Variants in MPP7 observed in about 807,000 individuals in gnomAD.
MPP7 encodes the protein MAGUK p55 subfamily member 7.
In MPP7, 60 loss-of-function variants were observed where a neutral mutation model predicts 76.5. That is an observed-to-expected ratio of 0.78 (90% CI 0.64 to 0.97). The LOEUF is 0.97. MPP7 is among the 50% of genes least tolerant of loss of function. The pLI, the probability that MPP7 is intolerant of heterozygous loss-of-function variation, is 0.00. For synonymous variants in MPP7, 237 were observed against 244.5 expected (o/e 0.97, Z 0.29); for missense variants, 641 against 694.0 (o/e 0.92, Z 0.86).
At chr10:28,213,504 A>G (rs1191379779) in intron 2 of MPP7, among the ~76,000 whole-genome samples, 2 of 152,104 alleles carry the variant, frequency 1.3e-5, no homozygotes, top group Non-Finnish European at 2.9e-5. Flanking sequence ...CATTTAAAAG[A>G]GAAGGTTGGG....
chr10:28,194,135 T>A (rs1837502334), intron 3 of MPP7, among the ~76,000 whole-genome samples: 1 of 152,150 alleles, frequency 6.6e-6, no homozygotes, highest in African/African-American at 2.4e-5. Flanking sequence ...CTGCCTCAGC[T>A]TCTCAAGTAG....
chr10:28,236,668 A>G (rs1321859921), intron 2 of MPP7: 1 of 152,144 alleles, frequency 6.6e-6, no homozygotes, highest in African/African-American at 2.4e-5. Flanking sequence ...GGAAAGAAGA[A>G]GTGGTAAAAG....
At chr10:28,289,756 C>A (rs1377012973) in intron 1 of MPP7, among the ~76,000 whole-genome samples, 1 of 152,178 alleles carries the variant, frequency 6.6e-6, no homozygotes, top group African/African-American at 2.4e-5. Flanking sequence ...GCAGAGAAGT[C>A]ACTACAGTAA....
chr10:28,315,051 G>A (rs772367935), intron 2 of MPP7, among the ~76,000 whole-genome samples: 1 of 152,014 alleles, frequency 6.6e-6, no homozygotes, highest in African/African-American at 2.4e-5. Context: ...GGTAGGCTGG[G>A]ACAGAAAGAT....
At chr10:28,187,778 G>A (rs1837285332) in intron 3 of MPP7, among the ~76,000 whole-genome samples, 1 of 152,174 alleles carries the variant, frequency 6.6e-6, no homozygotes, top group East Asian at 1.9e-4. Flanking sequence ...TAAAAGGTGA[G>A]GAACTTAAAA....
chr10:28,333,436 C>T lies in MPP7; in HGVS notation c.-206+982G>A, dbSNP rs1239338545. On this transcript the variant is annotated intron_variant, in intron 1 of 11. Transcript: ENST00000441595. ...TTGGGATTACAGGCGTGAGCCACTG[C>T]GCCTGGCCGCTATTCTAATTCTTGA... Among the ~76,000 whole-genome samples the T allele has an allele frequency of 3.9e-5, 6 of 152,190 alleles. No individual in the cohort carries two copies. In the South Asian group the frequency reaches 8.3e-4, roughly 21 times the overall value.
chr10:28,259,016 C>T (rs1839871574), intron 1 of MPP7, among the ~76,000 whole-genome samples: 1 of 152,150 alleles, frequency 6.6e-6, no homozygotes, highest in Non-Finnish European at 1.5e-5. Flanking sequence ...AGGCTCAGGA[C>T]TCAAACTTAC....
At position 28,330,085 on chromosome 10, in the gene MPP7, C is replaced by T. The variant is rs535117859; in HGVS notation, c.-205-83G>A. 5.5e-5 allele frequency: 7 copies of T among 127,628 alleles called. No individual in the cohort carries two copies. In the South Asian group the frequency reaches 1.3e-3, roughly 24 times the overall value. 7.9% of individuals were successfully genotyped at this position (127,628 alleles called of 1,614,324 possible). A position where few individuals can be genotyped will look rare whatever the true frequency, so the allele number is the denominator to read the frequency against. ...CCAACAGGTACCACATAGCATCTACCAAACACACCTGCCATACTCACTAAC... is the reference window on the plus strand; with the variant it reads ...CCAACAGGTACCACATAGCATCTACTAAACACACCTGCCATACTCACTAAC... On this transcript the variant is annotated intron_variant, in intron 1 of 11. Coordinates refer to the MPP7 transcript ENST00000441595.
chr10:28,223,069 G>T (rs1003245793), intron 2 of MPP7, among the ~76,000 whole-genome samples: 4 of 151,952 alleles, frequency 2.6e-5, no homozygotes, highest in African/African-American at 9.7e-5. Context: ...GGGAGGCAGA[G>T]GTTGCAGTGA....
At chr10:28,174,346 G>A (rs1325673882) in intron 3 of MPP7, among the ~76,000 whole-genome samples, 1 of 152,148 alleles carries the variant, frequency 6.6e-6, no homozygotes, top group Admixed American at 6.5e-5. Context: ...TGAATGGTTG[G>A]TGCCATTCTC....
At chr10:28,232,561 C>G (rs1431830935) in intron 2 of MPP7, among the ~76,000 whole-genome samples, 1 of 152,190 alleles carries the variant, frequency 6.6e-6, no homozygotes, top group Admixed American at 6.5e-5. Flanking sequence ...CCCCTGGATT[C>G]TATAATACGT....
At chr10:28,105,735 T>A (rs751260716) in intron 11 of MPP7, among the ~76,000 whole-genome samples, 1 of 152,194 alleles carries the variant, frequency 6.6e-6, no homozygotes, top group Non-Finnish European at 1.5e-5. Flanking sequence ...CTTGAACTCC[T>A]GACCTCAGAT....
At chr10:28,188,974 T>C (rs1488946677) in intron 3 of MPP7, among the ~76,000 whole-genome samples, 1 of 150,968 alleles carries the variant, frequency 6.6e-6, no homozygotes, top group Non-Finnish European at 1.5e-5. Context: ...AAAAGGAAGT[T>C]TGTCAGAGAG....
At chr10:28,276,969 G>A (rs1840518993) in intron 1 of MPP7, among the ~76,000 whole-genome samples, 1 of 151,962 alleles carries the variant, frequency 6.6e-6, no homozygotes, top group African/African-American at 2.4e-5. Flanking sequence ...AAAGCAGGAA[G>A]ATCACTTGAG....
chr10:28,161,573 G>A (rs1836265873), intron 3 of MPP7, among the ~76,000 whole-genome samples: 1 of 152,104 alleles, frequency 6.6e-6, no homozygotes, highest in Non-Finnish European at 1.5e-5. Flanking sequence ...TTGCATGTAA[G>A]AATACGGTCC....
At chr10:28,178,337 A>T (rs1391227600) in intron 3 of MPP7, among the ~76,000 whole-genome samples, 1 of 152,100 alleles carries the variant, frequency 6.6e-6, no homozygotes, top group Non-Finnish European at 1.5e-5. Context: ...GCTCCAACAC[A>T]TAGATCTTCC....
intron 11 of MPP7, among the ~76,000 whole-genome samples, chr10:28,093,267 C>T (rs1293272343): frequency 5.3e-5 from 8 of 152,072 alleles, no homozygotes; most frequent in Admixed American, 3.3e-4. Context: ...TGTCAAGTCT[C>T]TACAAACTTT....
chr10:28,126,335 CA>C (rs1835016904), intron 6 of MPP7, among the ~76,000 whole-genome samples: 4 of 152,166 alleles, frequency 2.6e-5, no homozygotes, highest in African/African-American at 9.7e-5. Context: ...GTAATATTCT[CA>C]ATATAACTAA....
Position 28,274,543 on chromosome 10 carries a change from C to T in MPP7, c.-132+28318G>A, listed in dbSNP as rs375093287. 3.3e-5 allele frequency among the ~76,000 whole-genome samples: 5 copies of T among 152,274 alleles called. No homozygotes were observed. In the East Asian group the frequency reaches 9.6e-4, roughly 29 times the overall value. On this transcript the variant is annotated intron_variant, in intron 1 of 16. Transcript: ENST00000683449. Reference sequence around the variant, plus strand: ...TAGTTTCACAAAATTTACCAATTTTCTGATAGCCCTCTAATAAATTAGAAG... The same window carrying T: ...TAGTTTCACAAAATTTACCAATTTTTTGATAGCCCTCTAATAAATTAGAAG...
Sources: gnomAD v4.1 joint callset for allele counts (sites outside exome capture counted in the v4.1 genomes callset) on GRCh38, gnomAD v4.1.1 for gene constraint, MANE v1.5 for transcripts, NCBI Gene and HGNC (gene_info 2026-07-23, HGNC 2026-07-21) for gene names.